PLD5: variants seen among roughly 807,000 people sequenced by gnomAD.
PLD5 encodes phospholipase D family member 5.
In PLD5, 36 loss-of-function variants were observed where a neutral mutation model predicts 61.1. That is an observed-to-expected ratio of 0.59 (90% CI 0.45 to 0.78). PLD5 has a LOEUF of 0.78. Ranked by LOEUF, PLD5 falls within the 30% of genes least tolerant of loss-of-function variation. The probability of loss-of-function intolerance (pLI) is 0.00; values close to 1 mark genes in which losing one functional copy is unlikely to be tolerated. For synonymous variants in PLD5, 243 were observed against 242.8 expected, an observed-to-expected ratio of 1.00 and a Z score of -0.01; for missense variants, 515 against 644.4, an observed-to-expected ratio of 0.80 and a Z score of 2.17.
chr1:242,210,983 C>G, intron 5 of PLD5, among the ~76,000 whole-genome samples: 1 of 152,190 alleles, frequency 6.6e-6, no homozygotes, highest in East Asian at 1.9e-4. Flanking sequence ...TGGAAGCTAG[C>G]TGAGGTTGGT....
chr1:242,326,879 T>C (rs1658824205), intron 2 of PLD5, among the ~76,000 whole-genome samples: 1 of 151,944 alleles, frequency 6.6e-6, no homozygotes, highest in Admixed American at 6.6e-5. Flanking sequence ...CCTTTTTTTT[T>C]TTCCGAGACA....
At chr1:242,141,762 G>T (rs188644179) in intron 5 of PLD5, among the ~76,000 whole-genome samples, 22 of 152,248 alleles carry the variant, frequency 1.4e-4, no homozygotes, top group African/African-American at 4.8e-4. Context: ...GGAAAGCTAT[G>T]ACTGAGCAAT....
At chr1:242,277,700 A>C (rs1282108845) in intron 3 of PLD5, among the ~76,000 whole-genome samples, 2 of 150,280 alleles carry the variant, frequency 1.3e-5, no homozygotes, top group Non-Finnish European at 3.0e-5. Context: ...ACAATTCTTT[A>C]GGCTGGGCAC....
intron 2 of PLD5, among the ~76,000 whole-genome samples, chr1:242,331,418 G>A (rs1659162783): frequency 1.3e-5 from 2 of 151,954 alleles, no homozygotes; most frequent in Admixed American, 1.3e-4. Context: ...GTTGTAATAG[G>A]GAGAAAAGGG....
chr1:242,255,573 T>C (rs1672968332), intron 4 of PLD5, among the ~76,000 whole-genome samples: 1 of 152,224 alleles, frequency 6.6e-6, no homozygotes, highest in South Asian at 2.1e-4. Context: ...GTTGTGCACA[T>C]GTACCCTAAA....
At chr1:242,115,206 A>C (rs564072192) in intron 6 of PLD5, among the ~76,000 whole-genome samples, 4 of 151,870 alleles carry the variant, frequency 2.6e-5, no homozygotes, top group Admixed American at 2.6e-4. Context: ...AAGAAAAAAG[A>C]AAGTGCACAA....
In PLD5 at chr1:242,085,793, T is replaced by A. The variant is rs999583182; in HGVS notation, c.*4061A>T. 1 of 152,024 alleles carries A rather than the reference T, an allele frequency of 6.6e-6. No individual in the cohort carries two copies. Among genetic ancestry groups the A allele is most frequent in the African/African-American group, 2.4e-5 (1 of 41,368 alleles). 9.4% of individuals were successfully genotyped at this position (152,024 alleles called of 1,614,324 possible). On this transcript the variant is annotated 3_prime_UTR_variant, in exon 10 of 10. Coordinates refer to ENST00000536534, the MANE Select transcript of PLD5 (RefSeq NM_001372062.1). The stretch of plus-strand genomic sequence containing the variant: ...GGAAGTGGCTGTTCTATGCAAGTAA[T>A]GGCAGCGTTTTACATTCCTAAAGTT...
chr1:242,354,158 C>T (rs1366253818), intron 1 of PLD5, among the ~76,000 whole-genome samples: 3 of 152,082 alleles, frequency 2.0e-5, no homozygotes, highest in Non-Finnish European at 4.4e-5. Flanking sequence ...TGATCCCTAG[C>T]TGCCCTCCTT....
At chr1:242,203,012 G>A (rs1454457452) in intron 5 of PLD5, among the ~76,000 whole-genome samples, 1 of 152,052 alleles carries the variant, frequency 6.6e-6, no homozygotes, top group African/African-American at 2.4e-5. Context: ...CCCACAACTT[G>A]CAGCAACTAG....
At chr1:242,514,249 T>C (rs992904688) in intron 1 of PLD5, among the ~76,000 whole-genome samples, 7 of 152,216 alleles carry the variant, frequency 4.6e-5, no homozygotes, top group African/African-American at 1.7e-4. Context: ...GTTAAGTCAC[T>C]GCTCTCCCAA....
At chr1:242,091,455 AC>A (rs1300134599) in intron 9 of PLD5, among the ~76,000 whole-genome samples, 1 of 152,194 alleles carries the variant, frequency 6.6e-6, no homozygotes, top group Non-Finnish European at 1.5e-5. Context: ...CTTGCCAGTC[AC>A]AACCATGGTC....
At position 242,111,102 on chromosome 1, in the gene PLD5, G is replaced by A. The variant is rs181796048; in HGVS notation, c.1070+2788C>T. ...ACGGAGTTTCACTCTTGTTGCCCAG[G>A]CTGGCGTGCAATGGCGTGATCTTGG... On this transcript the variant is annotated intron_variant, in intron 7 of 9. Transcript: ENST00000536534. 1.7e-3 allele frequency among the ~76,000 whole-genome samples: 262 copies of A among 151,342 alleles called. 2 individuals carry two copies. Among genetic ancestry groups the A allele is most frequent in the Non-Finnish European group, 3.5e-4 (24 of 67,880 alleles).
intron 1 of PLD5, among the ~76,000 whole-genome samples, chr1:242,382,888 T>C (rs1368968837): frequency 6.6e-6 from 1 of 152,226 alleles, no homozygotes; most frequent in Non-Finnish European, 1.5e-5. Context: ...ACATCTCTTC[T>C]GTTAAATGTC....
chr1:242,133,732 A>G (rs540876460), intron 5 of PLD5, among the ~76,000 whole-genome samples: 1 of 152,318 alleles, frequency 6.6e-6, no homozygotes, highest in Admixed American at 6.5e-5. Context: ...AATTCTAGCT[A>G]GAAGGAATTC....
At position 242,265,155 on chromosome 1, in the gene PLD5, C is replaced by T. The variant is rs185994538; in HGVS notation, c.607+182G>A. On this transcript the variant is annotated intron_variant, in intron 4 of 9. Transcript: ENST00000536534. ...AATATGCAACTGTTTTTTTAAATCC[C>T]AATATATTAATTAGTTCCTCCACTC... Among the ~76,000 whole-genome samples the T allele has an allele frequency of 1.9e-3, 295 of 152,088 alleles. 1 individual carries two copies. Among genetic ancestry groups the T allele is most frequent in the African/African-American group, 6.9e-3 (285 of 41,496 alleles).
At chr1:242,399,336 A>G (rs891931964) in intron 1 of PLD5, among the ~76,000 whole-genome samples, 2 of 152,210 alleles carry the variant, frequency 1.3e-5, no homozygotes, top group Admixed American at 6.5e-5. Flanking sequence ...CATGCATTCA[A>G]CATAAACATG....
intron 2 of PLD5, among the ~76,000 whole-genome samples, chr1:242,332,771 G>A (rs961921095): frequency 3.9e-5 from 6 of 152,108 alleles, no homozygotes; most frequent in African/African-American, 7.2e-5. Flanking sequence ...ATTTCTAATG[G>A]GAATTTTCAA....
At chr1:242,353,192 G>T (rs1189853831) in intron 1 of PLD5, among the ~76,000 whole-genome samples, 1 of 152,092 alleles carries the variant, frequency 6.6e-6, no homozygotes, top group Admixed American at 6.5e-5. Context: ...ATTTTGAGTT[G>T]ATTTTTGTAT....
intron 4 of PLD5, among the ~76,000 whole-genome samples, chr1:242,231,477 G>A (rs1311423338): frequency 6.6e-6 from 1 of 152,148 alleles, no homozygotes; most frequent in Non-Finnish European, 1.5e-5. Context: ...GTCCAATAAT[G>A]CCAGAAGATT....
Sources: gnomAD v4.1 joint callset for allele counts (sites outside exome capture counted in the v4.1 genomes callset) on GRCh38, gnomAD v4.1.1 for gene constraint, MANE v1.5 for transcripts, NCBI Gene and HGNC (gene_info 2026-07-23, HGNC 2026-07-21) for gene names.